Variants in KIF11 observed in about 807,000 individuals in gnomAD.
The protein encoded by KIF11 is kinesin family member 11.
KIF11 carries 9 observed loss-of-function variants against 121.0 expected under a neutral mutation model. The observed-to-expected ratio is 0.07, with a 90% confidence interval of 0.04 to 0.13. KIF11 has a LOEUF of 0.13. Among genes scored for constraint, KIF11 ranks in the 10% least tolerant of loss-of-function variants. KIF11 has a pLI of 1.00. For synonymous variants in KIF11, 408 were observed against 421.0 expected (o/e 0.97, Z 0.38); for missense variants, 846 against 1,217.5 (o/e 0.69, Z 4.54).
Position 92,628,867 on chromosome 10 carries a change from T to C in KIF11, c.1277T>C (p.Ile426Thr). ...EEQIVELIEKIGAVEEELNRV... is the reference protein window; with the variant it reads ...EEQIVELIEKTGAVEEELNRV... ...CAGATTGTAGAATTGATTGAAAAAA[T>C]TGGTGCTGTTGAGGAGGAGCTGAAT... The change falls in exon 11 of 22, where the codon ATT (isoleucine) becomes ACT (threonine). Residue 426 changes from isoleucine (I) to threonine (T), a missense_variant. Transcript: ENST00000260731. 1.9e-6 allele frequency: 3 copies of C among 1,601,622 alleles called. No individual in the cohort carries two copies. The highest frequency in any genetic ancestry group is 2.6e-6 in the Non-Finnish European group (3 of 1,170,590).
chr10:92,612,358 G>A (rs915020153), intron 6 of KIF11, among the ~76,000 whole-genome samples: 33 of 152,164 alleles, frequency 2.2e-4, no homozygotes, highest in African/African-American at 7.7e-4. Context: ...GGCTGGTTTC[G>A]AACTCCTGAG....
chr10:92,645,085 C>T (rs1844904388), intron 17 of KIF11, among the ~76,000 whole-genome samples: 1 of 152,146 alleles, frequency 6.6e-6, no homozygotes, highest in Admixed American at 6.5e-5. Context: ...AGGAATAAAA[C>T]AAGTAGACAG....
chr10:92,640,620 A>G (rs1389992878), intron 17 of KIF11, among the ~76,000 whole-genome samples: 1 of 150,770 alleles, frequency 6.6e-6, no homozygotes, highest in African/African-American at 2.4e-5. Context: ...TTTAGTAGAG[A>G]GGGGTTTCAC....
intron 8 of KIF11, among the ~76,000 whole-genome samples, chr10:92,615,461 T>A (rs1844544443): frequency 6.7e-6 from 1 of 148,566 alleles, no homozygotes; most frequent in Non-Finnish European, 1.5e-5. Flanking sequence ...TAAAAAAAAA[T>A]CTTTGTTGAG....
At chr10:92,653,004 A>G (rs901388099) in intron 21 of KIF11, among the ~76,000 whole-genome samples, 2 of 152,218 alleles carry the variant, frequency 1.3e-5, no homozygotes, top group Non-Finnish European at 2.9e-5. Flanking sequence ...TAGGATTCCA[A>G]TGAAATAGAA....
intron 21 of KIF11, 31 bp from the exon 22 acceptor site, chr10:92,653,633 AT>A: frequency 6.3e-7 from 1 of 1,594,154 alleles, no homozygotes; most frequent in South Asian, 1.1e-5. Context: ...GTTACTTTGT[AT>A]TGACTTAATT....
intron 9 of KIF11, among the ~76,000 whole-genome samples, chr10:92,618,074 A>G (rs1205904093): frequency 6.6e-6 from 1 of 152,180 alleles, no homozygotes; most frequent in Non-Finnish European, 1.5e-5. Context: ...CTAATGACTA[A>G]TGATGTTGAA....
At chr10:92,595,731 C>G (rs1200256660) in intron 1 of KIF11, among the ~76,000 whole-genome samples, 1 of 152,104 alleles carries the variant, frequency 6.6e-6, no homozygotes, top group African/African-American at 2.4e-5. Context: ...AATAACTCCC[C>G]ATTTCCCTCT....
chr10:92,616,239 C>T (rs1844556615), intron 8 of KIF11, among the ~76,000 whole-genome samples: 1 of 150,660 alleles, frequency 6.6e-6, no homozygotes, highest in Non-Finnish European at 1.5e-5. Flanking sequence ...AGACAAGGTC[C>T]CTCTCTGTTG....
At chr10:92,608,692 C>T (rs992172577) in intron 4 of KIF11, among the ~76,000 whole-genome samples, 5 of 152,188 alleles carry the variant, frequency 3.3e-5, no homozygotes, top group African/African-American at 1.2e-4. Context: ...CTGCCTTGAC[C>T]TCCCAAAGTG....
chr10:92,599,117 C>A (rs762208546), intron 1 of KIF11, among the ~76,000 whole-genome samples: 2 of 151,036 alleles, frequency 1.3e-5, no homozygotes, highest in African/African-American at 4.9e-5. Flanking sequence ...AAGTCTTTCA[C>A]CTCCTTGGTT....
chr10:92,595,095 G>A (rs762151704), intron 1 of KIF11, among the ~76,000 whole-genome samples: 34 of 152,070 alleles, frequency 2.2e-4, no homozygotes, highest in South Asian at 4.1e-4. Flanking sequence ...ACGGAGTCTC[G>A]CTCTCTTAGG....
chr10:92,625,283 CAT>C (rs1797922492), intron 10 of KIF11, among the ~76,000 whole-genome samples: 1 of 151,612 alleles, frequency 6.6e-6, no homozygotes. Flanking sequence ...TGGTGTTAAA[CAT>C]AGTTTCATAT....
chr10:92,648,138 G>T, intron 18 of KIF11, 74 bp from the exon 19 acceptor site: 1 of 1,022,584 alleles, frequency 9.8e-7, no homozygotes, highest in South Asian at 1.7e-5. Context: ...GAAAAGGTAA[G>T]GGAAAATATG....
In KIF11 at chr10:92,655,329, C is replaced by T. The variant is rs867177878; in HGVS notation, c.*1533C>T. On this transcript the variant is annotated 3_prime_UTR_variant, in exon 22 of 22. Transcript: ENST00000260731. ...CTGCAAAATCAGATGTCAGCATAAG[C>T]GATGGATAATACCTAATAAACTGCC... 6.6e-6 allele frequency: 1 copy of T among 152,094 alleles called. No individual in the cohort carries two copies. Among genetic ancestry groups the T allele is most frequent in the Non-Finnish European group, 1.5e-5 (1 of 68,024 alleles). 9.4% of individuals were successfully genotyped at this position (152,094 alleles called of 1,614,324 possible).
At chr10:92,602,837 T>TACACACAC in intron 1 of KIF11, among the ~76,000 whole-genome samples, 1 of 150,034 alleles carries the variant, frequency 6.7e-6, no homozygotes, top group Admixed American at 6.7e-5. Context: ...TGTGTGTGTG[T>TACACACAC]GTGTGTGTGT....
chr10:92,614,321 C>T (rs1844530706), intron 8 of KIF11, among the ~76,000 whole-genome samples: 1 of 151,942 alleles, frequency 6.6e-6, no homozygotes, highest in African/African-American at 2.4e-5. Flanking sequence ...GGTCTCAAAC[C>T]CCTGACCTCA....
chr10:92,640,027 A>G, intron 17 of KIF11, 127 bp downstream of exon 17: 1 of 555,074 alleles, frequency 1.8e-6, no homozygotes, highest in South Asian at 2.2e-5. Flanking sequence ...ATATTTTATT[A>G]TGTATGTGTG....
Position 92,613,732 on chromosome 10 carries a change from C to G in KIF11, c.1032+113C>G. On this transcript the variant is annotated intron_variant, in intron 8 of 21. Coordinates refer to ENST00000260731, the MANE Select transcript of KIF11 (RefSeq NM_004523.4). The surrounding 1 kb of genome is among the most constrained non-coding windows in gnomAD (Gnocchi z 4.2). ...GACACAGTGACTCACACCTGTAAAC[C>G]CAGCACTTTGGAAGTCCAAGGTGGG... The G allele has an allele frequency of 4.7e-6, 5 of 1,060,758 alleles. No homozygotes were observed. The highest frequency in any genetic ancestry group is 6.7e-6 in the Non-Finnish European group (5 of 751,062). 65.7% of individuals were successfully genotyped at this position (1,060,758 alleles called of 1,614,324 possible). A position where few individuals can be genotyped will look rare whatever the true frequency, so the allele number is the denominator to read the frequency against.
Sources: gnomAD v4.1 joint callset for allele counts (sites outside exome capture counted in the v4.1 genomes callset) on GRCh38, gnomAD v4.1.1 for gene constraint, Gnocchi (gnomAD v3.1) non-coding constraint, MANE v1.5 for transcripts, NCBI Gene and HGNC (gene_info 2026-07-23, HGNC 2026-07-21) for gene names.